Variants in SETD5 observed in about 807,000 individuals in gnomAD.
SETD5 encodes histone-lysine N-methyltransferase SETD5.
In SETD5, 44 loss-of-function variants were observed where a neutral mutation model predicts 153.3. That is an observed-to-expected ratio of 0.29 (90% CI 0.23 to 0.37). The LOEUF (loss-of-function observed/expected upper bound fraction) is 0.37. SETD5 is among the 10% of genes least tolerant of loss of function. The probability of loss-of-function intolerance (pLI) is 1.00; values close to 1 mark genes in which losing one functional copy is unlikely to be tolerated. For missense variants in SETD5, 1,544 were observed against 1,768.0 expected, an observed-to-expected ratio of 0.87 and a Z score of 2.27; for synonymous variants, 716 against 645.2, an observed-to-expected ratio of 1.11 and a Z score of -1.66.
chr3:9,406,998 T>G (rs1426731330), intron 1 of SETD5, among the ~76,000 whole-genome samples: 8 of 152,210 alleles, frequency 5.3e-5, no homozygotes, highest in Non-Finnish European at 4.4e-5. Flanking sequence ...TCCAAAAATA[T>G]GAAAATTATG....
intron 11 of SETD5, among the ~76,000 whole-genome samples, chr3:9,443,993 C>T (rs1465470879): frequency 6.6e-6 from 1 of 152,170 alleles, no homozygotes; most frequent in Non-Finnish European, 1.5e-5. Flanking sequence ...ACCTGAGAGG[C>T]TGAGGCTGCA....
At chr3:9,419,276 T>C (rs2038022523) in intron 1 of SETD5, among the ~76,000 whole-genome samples, 1 of 152,242 alleles carries the variant, frequency 6.6e-6, no homozygotes, top group African/African-American at 2.4e-5. Flanking sequence ...AATATATGTA[T>C]ATTAATAGTA....
Position 9,445,131 on chromosome 3 carries a change from C to A in SETD5, c.1271C>A (p.Pro424Gln), listed in dbSNP as rs2125235786. 2 of 1,613,938 alleles carry A rather than the reference C, an allele frequency of 1.2e-6. No individual in the cohort carries two copies. Residue 424 changes from proline to glutamine, a missense_variant, in exon 12 of 23, where the codon CCA becomes CAA. Physicochemically the swap from Pro to Gln is moderately conservative, Grantham distance 76. Transcript: ENST00000402198. ...AGGAATCCTAATGCTACAGAACTGC[C>A]ACTCCTACCACCTCCTCCAAGCCTA... ...QKRNPNATEL[P>Q]LLPPPPSLPT...
chr3:9,437,087 G>A (rs1437862579), intron 7 of SETD5, among the ~76,000 whole-genome samples: 1 of 152,108 alleles, frequency 6.6e-6, no homozygotes, highest in Non-Finnish European at 1.5e-5. Context: ...TTCCCTTTCT[G>A]TAATCAGCCT....
chr3:9,433,554 G>A (rs532835627), intron 3 of SETD5: 31 of 1,292,708 alleles, frequency 2.4e-5, no homozygotes, highest in Middle Eastern at 2.2e-4. Flanking sequence ...GAAACTCCCC[G>A]CTCAGCTGGT....
chr3:9,461,806 T>G (rs946493460), intron 17 of SETD5, among the ~76,000 whole-genome samples: 15 of 152,218 alleles, frequency 9.9e-5, no homozygotes, highest in Non-Finnish European at 2.9e-5. Flanking sequence ...ATAGTTATAG[T>G]GTTGGACCTA....
intron 15 of SETD5, 75 bp downstream of exon 15, chr3:9,448,081 C>T (rs1436188971): frequency 3.8e-5 from 54 of 1,424,030 alleles, no homozygotes; most frequent in Non-Finnish European, 4.9e-5. Context: ...ACCTATAATC[C>T]CTAGAAGAAA....
intron 3 of SETD5, among the ~76,000 whole-genome samples, chr3:9,433,117 G>A (rs1359774464): frequency 6.6e-6 from 1 of 152,166 alleles, no homozygotes; most frequent in Admixed American, 6.5e-5. Flanking sequence ...ACAAATATTG[G>A]GCAGTTCACA....
At chr3:9,454,622 C>CAAAAA (rs67028533) in intron 17 of SETD5, among the ~76,000 whole-genome samples, 29 of 58,040 alleles carry the variant, frequency 5.0e-4, no homozygotes, top group East Asian at 1.2e-3. Flanking sequence ...AACTCCGTCT[C>CAAAAA]AAAAAAAAAA....
rs770369588 is a variant in SETD5 at position 9,447,133 on chromosome 3, G to T, written c.1608G>T (p.Leu536Phe). 135 of 1,613,872 alleles carry T rather than the reference G, an allele frequency of 8.4e-5. No homozygotes were observed. The highest frequency in any genetic ancestry group is 1.1e-4 in the Non-Finnish European group (131 of 1,179,900). The change falls in exon 14 of 23, where the codon TTG (leucine) becomes TTT (phenylalanine). Residue 536 changes from leucine (L) to phenylalanine (F), a missense_variant. Coordinates refer to ENST00000402198, the MANE Select transcript of SETD5 (RefSeq NM_001080517.3). The stretch of plus-strand genomic sequence containing the variant: ...GAAAGAAGCGGCGGGATCAGCCCTT[G>T]GAACAGAGCAACTCTGATGTAGAGA... ...EKRKKRRDQP[L>F]EQSNSDVEIT...
Position 9,448,525 on chromosome 3 carries a change from A to G in SETD5, c.2241A>G (p.Leu747=), listed in dbSNP as rs776114123. 3.1e-6 allele frequency: 5 copies of G among 1,613,882 alleles called. No individual in the cohort carries two copies. The African/African-American group carries it at 6.7e-5, about 22-fold the overall frequency. The change falls in exon 16 of 23, where the codon TTA becomes TTG. Residue 747 remains leucine, a synonymous_variant. Transcript: ENST00000402198. The part of the protein sequence containing the change: ...NMLPGLIHSP[L]ICTTPKHYIR... Reference sequence around the variant, plus strand: ...TACCAGGTCTTATCCATTCCCCGTTAATTTGCACCACCCCCAAACACTACA... The same window carrying G: ...TACCAGGTCTTATCCATTCCCCGTTGATTTGCACCACCCCCAAACACTACA...
chr3:9,447,983 T>C lies in SETD5; in HGVS notation c.2080T>C (p.Ser694Pro), dbSNP rs773405916. The change falls in exon 15 of 23, where the codon TCT becomes CCT. Residue 694 changes from serine to proline, a missense_variant. Physicochemically the swap from Ser to Pro is moderately conservative, Grantham distance 74. Around this residue, in one of 9 missense-constraint regions of SETD5, gnomAD observed 782 missense variants for 787.2 expected, o/e 0.99. Coordinates refer to ENST00000402198, the MANE Select transcript of SETD5 (RefSeq NM_001080517.3). Reference protein sequence around the residue: ...ITGSHVNRAASKYPKTKKYLV... With the variant: ...ITGSHVNRAAPKYPKTKKYLV... ...TGGATCCCATGTCAACCGTGCTGCA[T>C]CTAAATACCCCAAAACCAAAAAGGT... The C allele has an allele frequency of 5.6e-6, 9 of 1,613,112 alleles. No individual in the cohort carries two copies. The highest frequency in any genetic ancestry group is 2.2e-5 in the East Asian group (1 of 44,850).
intron 2 of SETD5, among the ~76,000 whole-genome samples, chr3:9,427,676 T>C (rs996006632): frequency 1.3e-5 from 2 of 152,226 alleles, no homozygotes; most frequent in East Asian, 3.8e-4. Context: ...AGTGTATCAG[T>C]CATGACTCTC....
In SETD5 at chr3:9,430,260, C is replaced by T. The variant is rs138338035; in HGVS notation, c.71+1251C>T. 5.1e-6 allele frequency: 5 copies of T among 984,656 alleles called. No homozygotes were observed. The East Asian group carries it at 4.5e-4, about 90-fold the overall frequency. The allele number at this position is 984,656 out of a possible 1,614,324, so 61.0% of individuals were successfully genotyped here. On this transcript the variant is annotated intron_variant, in intron 3 of 22. Coordinates refer to ENST00000402198, the MANE Select transcript of SETD5 (RefSeq NM_001080517.3). ...CCACCTAATATAACTTACCTGTTTA[C>T]TGAGTTCCTTAAAGAGGAAGACTTA...
intron 1 of SETD5, among the ~76,000 whole-genome samples, chr3:9,409,321 G>GT (rs1417121145): frequency 1.3e-5 from 2 of 152,082 alleles, no homozygotes; most frequent in Non-Finnish European, 2.9e-5. Flanking sequence ...AAGCACTTGG[G>GT]TTTTTTACCC....
chr3:9,413,959 G>A (rs1009700679), intron 1 of SETD5, among the ~76,000 whole-genome samples: 1 of 151,978 alleles, frequency 6.6e-6, no homozygotes, highest in Non-Finnish European at 1.5e-5. Flanking sequence ...TGTATTTTTA[G>A]TAGAGATGGG....
chr3:9,427,333 C>T (rs948145136), intron 2 of SETD5, among the ~76,000 whole-genome samples: 3 of 152,106 alleles, frequency 2.0e-5, no homozygotes, highest in Admixed American at 6.5e-5. Context: ...AGTGGATCAC[C>T]GGAGGTCAGG....
chr3:9,456,933 G>GC (rs1559459125), intron 17 of SETD5, among the ~76,000 whole-genome samples: 1 of 151,996 alleles, frequency 6.6e-6, no homozygotes, highest in African/African-American at 2.4e-5. Flanking sequence ...CCAAGGTCAC[G>GC]CCACTGCACT....
chr3:9,437,547 G>A (rs1287353523), intron 7 of SETD5, among the ~76,000 whole-genome samples: 1 of 151,760 alleles, frequency 6.6e-6, no homozygotes, highest in South Asian at 2.1e-4. Context: ...GTGTGTGTGT[G>A]TGTATAAATA....
Sources: gnomAD v4.1 joint callset for allele counts (sites outside exome capture counted in the v4.1 genomes callset) on GRCh38, gnomAD v4.1.1 for gene constraint, gnomAD v4.1.1 regional missense constraint, MANE v1.5 for transcripts, NCBI Gene and HGNC (gene_info 2026-07-23, HGNC 2026-07-21) for gene names.